JUNB: variants seen among roughly 807,000 people sequenced by gnomAD.
JUNB encodes the protein transcription factor JunB.
Under a neutral mutation model 16.4 loss-of-function variants are expected in JUNB, and 6 were observed. That is an observed-to-expected ratio of 0.37 (90% CI 0.20 to 0.72). The LOEUF is 0.72. Ranked by LOEUF, JUNB falls within the 30% of genes least tolerant of loss-of-function variation. The pLI is 0.53. For synonymous variants in JUNB, 226 were observed against 232.8 expected, an observed-to-expected ratio of 0.97 and a Z score of 0.27; for missense variants, 389 against 492.9, an observed-to-expected ratio of 0.79 and a Z score of 2.00.
Position 12,791,875 on chromosome 19 carries a change from T to G in JUNB, c.104T>G (p.Leu35Arg). The change falls in exon 1 of 1, where the codon CTG becomes CGG. Residue 35 changes from leucine (L) to arginine (R), a missense_variant. Coordinates refer to ENST00000302754, the MANE Select transcript of JUNB (RefSeq NM_002229.3). This position sits in a 1 kb window ranked among gnomAD's most constrained non-coding sequence, Gnocchi z 7.0. ...CTCTCTCTACACGACTACAAACTCC[T>G]GAAACCGAGCCTGGCGGTCAACCTG... ...GGLSLHDYKLLKPSLAVNLAD... is the reference protein window; with the variant it reads ...GGLSLHDYKLRKPSLAVNLAD... The G allele has an allele frequency of 4.3e-6, 7 of 1,613,426 alleles. No individual in the cohort carries two copies. The highest frequency in any genetic ancestry group is 2.2e-5 in the East Asian group (1 of 44,852).
In JUNB at chr19:12,792,047, C is replaced by T. The variant is rs1264636922; in HGVS notation, c.276C>T (p.Val92=). The T allele has an allele frequency of 6.2e-7, 1 of 1,610,786 alleles. No individual in the cohort carries two copies. The highest frequency in any genetic ancestry group is 8.5e-7 in the Non-Finnish European group (1 of 1,179,064). Residue 92 remains valine (V), a synonymous_variant, in exon 1 of 1, where the codon GTC becomes GTT. Transcript: ENST00000302754. The stretch of plus-strand genomic sequence containing the variant: ...CTTCGGAGCTGGAACGCCTGATTGT[C>T]CCCAACAGCAACGGCGTGATCACGA... The part of the protein sequence containing the change: ...LASSELERLI[V]PNSNGVITTT...
Position 12,792,337 on chromosome 19 carries a change from C to T in JUNB, c.566C>T (p.Ser189Phe), listed in dbSNP as rs1254489511. 6.5e-7 allele frequency: 1 copy of T among 1,536,398 alleles called. No homozygotes were observed. The highest frequency in any genetic ancestry group is 1.2e-5 in the South Asian group (1 of 82,428). Residue 189 changes from serine (S) to phenylalanine (F), a missense_variant, in exon 1 of 1, where the codon TCC (serine) becomes TTC (phenylalanine). By Grantham distance (155) the Ser-to-Phe change is radical (BLOSUM62 -2). Coordinates refer to ENST00000302754, the MANE Select transcript of JUNB (RefSeq NM_002229.3). ...GTTTACACCAACCTCAGCAGCTACT[C>T]CCCAGCCTCTGCGTCCTCGGGAGGC... ...PPVYTNLSSYSPASASSGGAG... is the reference protein window; with the variant it reads ...PPVYTNLSSYFPASASSGGAG...
In JUNB at chr19:12,792,645, C is replaced by T; in HGVS notation, c.874C>T (p.Arg292Cys). Reference protein sequence around the residue: ...ATKCRKRKLERIARLEDKVKT... With the variant: ...ATKCRKRKLECIARLEDKVKT... ...CAAGTGCCGGAAGCGGAAGCTGGAG[C>T]GCATCGCGCGCCTGGAGGACAAGGT... The change falls in exon 1 of 1, where the codon CGC (arginine) becomes TGC (cysteine). Residue 292 changes from arginine to cysteine, a missense_variant. By Grantham distance (180) the Arg-to-Cys change is radical. This residue lies in a region of JUNB where 40 missense variants were observed against 103.2 expected (regional missense o/e 0.39). Coordinates refer to ENST00000302754, the MANE Select transcript of JUNB (RefSeq NM_002229.3). 6.4e-7 allele frequency: 1 copy of T among 1,563,000 alleles called. No homozygotes were observed. The highest frequency in any genetic ancestry group is 2.4e-5 in the East Asian group (1 of 41,528).
chr19:12,791,591 G>A lies in JUNB; in HGVS notation c.-181G>A, dbSNP rs1267509653. 3.1e-5 allele frequency: 16 copies of A among 516,442 alleles called. No homozygotes were observed. The highest frequency in any genetic ancestry group is 2.9e-4 in the African/African-American group (14 of 49,050). 32.0% of individuals were successfully genotyped at this position (516,442 alleles called of 1,614,324 possible). ...GCGCCAGAGAGGGCGACGGGGGCTC[G>A]GGAAGCCTGACAGGGCTTTTGCGCA... On this transcript the variant is annotated 5_prime_UTR_variant, in exon 1 of 1. Coordinates refer to ENST00000302754, the MANE Select transcript of JUNB (RefSeq NM_002229.3). This position sits in a 1 kb window ranked among gnomAD's most constrained non-coding sequence, Gnocchi z 7.0.
rs1968717146 is a variant in JUNB at position 12,791,665 on chromosome 19, C to G, written c.-107C>G. The G allele has an allele frequency of 1.3e-6, 1 of 781,728 alleles. No individual in the cohort carries two copies. The highest frequency in any genetic ancestry group is 1.9e-6 in the Non-Finnish European group (1 of 531,432). 48.4% of individuals were successfully genotyped at this position (781,728 alleles called of 1,614,324 possible). ...GCCCGCGCCAGCCCCCGAGAACGCG[C>G]GACCAGGCACCCAGTCCGGTCACCG... On this transcript the variant is annotated 5_prime_UTR_variant, in exon 1 of 1. Transcript: ENST00000302754. This position sits in a 1 kb window ranked among gnomAD's most constrained non-coding sequence, Gnocchi z 7.0.
rs781257277 is a variant in JUNB, at chr19:12,791,938, G to C, written c.167G>C (p.Arg56Pro). The change falls in exon 1 of 1, where the codon CGC (arginine) becomes CCC (proline). Residue 56 changes from arginine to proline, a missense_variant. Physicochemically the swap from Arg to Pro is moderately radical, Grantham distance 103. Transcript: ENST00000302754. The surrounding 1 kb of genome is among the most constrained non-coding windows in gnomAD (Gnocchi z 7.0). ...CGGAGTCTCAAAGCGCCTGGGGCTCGCGGACCCGGCCCAGAGGGCGGCGGT... is the reference window on the plus strand; with the variant it reads ...CGGAGTCTCAAAGCGCCTGGGGCTCCCGGACCCGGCCCAGAGGGCGGCGGT... The part of the protein sequence containing the change: ...PYRSLKAPGA[R>P]GPGPEGGGGG... The C allele has an allele frequency of 6.2e-7, 1 of 1,608,612 alleles. No individual in the cohort carries two copies. The highest frequency in any genetic ancestry group is 8.5e-7 in the Non-Finnish European group (1 of 1,178,610).
At position 12,792,278 on chromosome 19, in the gene JUNB, C is replaced by CG; in HGVS notation, c.512dup (p.Val172ArgfsTer212). 2 of 1,496,030 alleles carry CG rather than the reference C, an allele frequency of 1.3e-6. No individual in the cohort carries two copies. Among genetic ancestry groups the CG allele is most frequent in the Non-Finnish European group, 1.8e-6 (2 of 1,120,672 alleles). 92.7% of individuals were successfully genotyped at this position (1,496,030 alleles called of 1,614,324 possible). On this transcript the variant is annotated frameshift_variant, in exon 1 of 1. Transcript: ENST00000302754. LOFTEE classifies it high-confidence loss of function. ...CTACCGGGGGGCCCCCGGCTGGGCC[C>CG]GGGGGCGTCTACGCCGGCCCGGAGC...
Position 12,792,075 on chromosome 19 carries a change from A to G in JUNB, c.304A>G (p.Thr102Ala). 3.1e-6 allele frequency: 5 copies of G among 1,606,564 alleles called. No homozygotes were observed. The highest frequency in any genetic ancestry group is 4.2e-6 in the Non-Finnish European group (5 of 1,177,282). Reference protein sequence around the residue: ...VPNSNGVITTTPTPPGQYFYP... With the variant: ...VPNSNGVITTAPTPPGQYFYP... ...CAACAGCAACGGCGTGATCACGACG[A>G]CGCCTACACCCCCGGGACAGTACTT... Residue 102 changes from threonine (T) to alanine (A), a missense_variant, in exon 1 of 1, where the codon ACG becomes GCG. Physicochemically the swap from Thr to Ala is moderately conservative, Grantham distance 58. Coordinates refer to ENST00000302754, the MANE Select transcript of JUNB (RefSeq NM_002229.3).
rs1264444098 is a variant in JUNB, at chr19:12,791,981, T to C, written c.210T>C (p.Ser70=). 1.9e-6 allele frequency: 3 copies of C among 1,611,442 alleles called. No homozygotes were observed. The highest frequency in any genetic ancestry group is 1.7e-5 in the Admixed American group (1 of 59,826). ...PEGGGGGSYF[S]GQGSDTGASL... The stretch of plus-strand genomic sequence containing the variant: ...GCGGCGGTGGCGGCAGCTACTTTTC[T>C]GGTCAGGGCTCGGACACCGGCGCGT... Residue 70 remains serine, a synonymous_variant, in exon 1 of 1, where the codon TCT becomes TCC. Coordinates refer to ENST00000302754, the MANE Select transcript of JUNB (RefSeq NM_002229.3). The surrounding 1 kb of genome is among the most constrained non-coding windows in gnomAD (Gnocchi z 7.0).
Position 12,791,676 on chromosome 19 carries a change from C to CG in JUNB, c.-96_-95insG, listed in dbSNP as rs1324019267. ...CCCCCGAGAACGCGCGACCAGGCAC[C>CG]CAGTCCGGTCACCGCAGCGGAGAGC... On this transcript the variant is annotated 5_prime_UTR_variant, in exon 1 of 1. Transcript: ENST00000302754. This position sits in a 1 kb window ranked among gnomAD's most constrained non-coding sequence, Gnocchi z 7.0. 3.3e-6 allele frequency: 3 copies of CG among 901,270 alleles called. No homozygotes were observed. Among genetic ancestry groups the CG allele is most frequent in the Non-Finnish European group, 4.8e-6 (3 of 625,670 alleles). 55.8% of individuals were successfully genotyped at this position (901,270 alleles called of 1,614,324 possible). A position where few individuals can be genotyped will look rare whatever the true frequency, so the allele number is the denominator to read the frequency against.
rs757312121 is a variant in JUNB at position 12,792,225 on chromosome 19, G to T, written c.454G>T (p.Val152Leu). 1.2e-5 allele frequency: 19 copies of T among 1,537,914 alleles called. No homozygotes were observed. The South Asian group carries it at 2.3e-4, about 18-fold the overall frequency. The change falls in exon 1 of 1, where the codon GTG becomes TTG. Residue 152 changes from valine (V) to leucine (L), a missense_variant. Val to Leu is a conservative substitution (Grantham distance 32). Around this residue, in one of 2 missense-constraint regions of JUNB, gnomAD observed 349 missense variants for 389.8 expected, o/e 0.90. Transcript: ENST00000302754. ...ALDDLHKMNHVTPPNVSLGAT... is the reference protein window; with the variant it reads ...ALDDLHKMNHLTPPNVSLGAT... ...GGACGATCTGCACAAGATGAACCAC[G>T]TGACACCCCCCAACGTGTCCCTGGG...
In JUNB at chr19:12,792,068, C is replaced by T. The variant is rs1968724431; in HGVS notation, c.297C>T (p.Ile99=). 1.9e-6 allele frequency: 3 copies of T among 1,607,950 alleles called. No individual in the cohort carries two copies. Among genetic ancestry groups the T allele is most frequent in the Non-Finnish European group, 1.7e-6 (2 of 1,177,852 alleles). Residue 99 remains isoleucine, a synonymous_variant, in exon 1 of 1, where the codon ATC becomes ATT. Transcript: ENST00000302754. ...RLIVPNSNGV[I]TTTPTPPGQY... is the part of the protein sequence containing the mutation. Reference sequence around the variant, plus strand: ...TTGTCCCCAACAGCAACGGCGTGATCACGACGACGCCTACACCCCCGGGAC... The same window carrying T: ...TTGTCCCCAACAGCAACGGCGTGATTACGACGACGCCTACACCCCCGGGAC...
Position 12,792,142 on chromosome 19 carries a change from C to T in JUNB, c.371C>T (p.Ala124Val). ...GGCAGCGGTGGAGGTGCAGGGGGCGCAGGGGGCGGCGTCACCGAGGAGCAG... is the reference window on the plus strand; with the variant it reads ...GGCAGCGGTGGAGGTGCAGGGGGCGTAGGGGGCGGCGTCACCGAGGAGCAG... ...GGGSGGGAGG[A>V]GGGVTEEQEG... The change falls in exon 1 of 1, where the codon GCA becomes GTA. Residue 124 changes from alanine to valine, a missense_variant. Coordinates refer to ENST00000302754, the MANE Select transcript of JUNB (RefSeq NM_002229.3). The T allele has an allele frequency of 6.3e-7, 1 of 1,597,000 alleles. No homozygotes were observed. Among genetic ancestry groups the T allele is most frequent in the East Asian group, 2.3e-5 (1 of 44,238 alleles).
Position 12,792,105 on chromosome 19 carries a change from C to T in JUNB, c.334C>T (p.Pro112Ser). 2 of 1,600,024 alleles carry T rather than the reference C, an allele frequency of 1.2e-6. No homozygotes were observed. Among genetic ancestry groups the T allele is most frequent in the Non-Finnish European group, 1.7e-6 (2 of 1,174,232 alleles). Residue 112 changes from proline to serine, a missense_variant, in exon 1 of 1, where the codon CCC becomes TCC. Physicochemically the swap from Pro to Ser is moderately conservative, Grantham distance 74 (BLOSUM62 -1). Transcript: ENST00000302754. ...TPTPPGQYFY[P>S]RGGGSGGGAG... ...TACACCCCCGGGACAGTACTTTTAC[C>T]CCCGCGGGGGTGGCAGCGGTGGAGG...
Position 12,791,677 on chromosome 19 carries a change from C to G in JUNB, c.-95C>G. 2.2e-6 allele frequency: 2 copies of G among 906,350 alleles called. No homozygotes were observed. The highest frequency in any genetic ancestry group is 4.1e-5 in the South Asian group (2 of 49,370). The allele number at this position is 906,350 out of a possible 1,614,324, so 56.1% of individuals were successfully genotyped here. Reference sequence around the variant, plus strand: ...CCCCGAGAACGCGCGACCAGGCACCCAGTCCGGTCACCGCAGCGGAGAGCT... The same window carrying G: ...CCCCGAGAACGCGCGACCAGGCACCGAGTCCGGTCACCGCAGCGGAGAGCT... On this transcript the variant is annotated 5_prime_UTR_variant, in exon 1 of 1. Transcript: ENST00000302754. The surrounding 1 kb of genome is among the most constrained non-coding windows in gnomAD (Gnocchi z 7.0).
Position 12,791,949 on chromosome 19 carries a change from C to T in JUNB, c.178C>T (p.Pro60Ser), listed in dbSNP as rs1968722677. The T allele has an allele frequency of 6.2e-7, 1 of 1,611,358 alleles. No homozygotes were observed. Among genetic ancestry groups the T allele is most frequent in the Admixed American group, 1.7e-5 (1 of 59,780 alleles). ...LKAPGARGPGPEGGGGGSYFS... is the reference protein window; with the variant it reads ...LKAPGARGPGSEGGGGGSYFS... ...AGCGCCTGGGGCTCGCGGACCCGGC[C>T]CAGAGGGCGGCGGTGGCGGCAGCTA... The change falls in exon 1 of 1, where the codon CCA becomes TCA. Residue 60 changes from proline (P) to serine (S), a missense_variant. Pro to Ser is a moderately conservative substitution (Grantham distance 74). Coordinates refer to ENST00000302754, the MANE Select transcript of JUNB (RefSeq NM_002229.3). This position sits in a 1 kb window ranked among gnomAD's most constrained non-coding sequence, Gnocchi z 7.0.
At position 12,792,695 on chromosome 19, in the gene JUNB, G is replaced by A. The variant is rs369161895; in HGVS notation, c.924G>A (p.Ala308=). 6.3e-7 allele frequency: 1 copy of A among 1,593,034 alleles called. No individual in the cohort carries two copies. Among genetic ancestry groups the A allele is most frequent in the East Asian group, 2.3e-5 (1 of 43,254 alleles). Residue 308 remains alanine (A), a synonymous_variant, in exon 1 of 1, where the codon GCG becomes GCA. Transcript: ENST00000302754. Reference sequence around the variant, plus strand: ...TGAAGACGCTCAAGGCCGAGAACGCGGGGCTGTCGAGTACCGCCGGCCTCC... The same window carrying A: ...TGAAGACGCTCAAGGCCGAGAACGCAGGGCTGTCGAGTACCGCCGGCCTCC... ...DKVKTLKAEN[A]GLSSTAGLLR... is the part of the protein sequence containing the mutation.
In JUNB at chr19:12,792,179, C is replaced by G; in HGVS notation, c.408C>G (p.Ala136=). 1 of 1,586,710 alleles carries G rather than the reference C, an allele frequency of 6.3e-7. No individual in the cohort carries two copies. The highest frequency in any genetic ancestry group is 1.8e-5 in the Admixed American group (1 of 54,662). ...GGVTEEQEGF[A]DGFVKALDDL... Reference sequence around the variant, plus strand: ...TCACCGAGGAGCAGGAGGGCTTCGCCGACGGCTTTGTCAAAGCCCTGGACG... The same window carrying G: ...TCACCGAGGAGCAGGAGGGCTTCGCGGACGGCTTTGTCAAAGCCCTGGACG... Residue 136 remains alanine (A), a synonymous_variant, in exon 1 of 1, where the codon GCC becomes GCG. Transcript: ENST00000302754.
chr19:12,791,768 C>T lies in JUNB; in HGVS notation c.-4C>T. On this transcript the variant is annotated 5_prime_UTR_variant, in exon 1 of 1. Transcript: ENST00000302754. The surrounding 1 kb of genome is among the most constrained non-coding windows in gnomAD (Gnocchi z 7.0). ...ACCCTCCCCAGACCGCCTGGGCCGC[C>T]CGGATGTGCACTAAAATGGAACAGC... 1 of 1,598,102 alleles carries T rather than the reference C, an allele frequency of 6.3e-7. No homozygotes were observed. The highest frequency in any genetic ancestry group is 8.6e-7 in the Non-Finnish European group (1 of 1,169,490).
Sources: allele counts gnomAD v4.1 joint callset, GRCh38; gene constraint gnomAD v4.1.1; regional missense constraint gnomAD v4.1.1; non-coding constraint Gnocchi (gnomAD v3.1); transcripts MANE v1.5; gene names NCBI Gene and HGNC (gene_info 2026-07-23, HGNC 2026-07-21).